Variants in HCRTR2 observed in about 807,000 individuals in gnomAD.
HCRTR2 encodes the protein hypocretin receptor 2, also known as orexin receptor type 2.
A neutral mutation model predicts 49.0 loss-of-function variants in HCRTR2; 22 were observed. That is an observed-to-expected ratio of 0.45 (90% CI 0.32 to 0.64). HCRTR2 has a LOEUF of 0.64. Among genes scored for constraint, HCRTR2 ranks in the 30% least tolerant of loss-of-function variants. HCRTR2 has a pLI of 0.04. For synonymous variants in HCRTR2, 236 were observed against 205.3 expected (o/e 1.15, Z -1.28); for missense variants, 491 against 559.4 (o/e 0.88, Z 1.23).
intron 1 of HCRTR2, among the ~76,000 whole-genome samples, chr6:55,139,469 A>G (rs1049460517): frequency 2.6e-5 from 4 of 152,214 alleles, no homozygotes; most frequent in Non-Finnish European, 4.4e-5. Context: ...TGGAAACTCC[A>G]AAAACCTAGT....
intron 1 of HCRTR2, among the ~76,000 whole-genome samples, chr6:55,138,218 T>C (rs1764458117): frequency 6.6e-6 from 1 of 152,234 alleles, no homozygotes; most frequent in South Asian, 2.1e-4. Flanking sequence ...AGTTAATTTT[T>C]TTTTGTCCTG....
chr6:55,234,815 A>C (rs1045223027), intron 1 of HCRTR2, among the ~76,000 whole-genome samples: 1 of 152,174 alleles, frequency 6.6e-6, no homozygotes, highest in Non-Finnish European at 1.5e-5. Flanking sequence ...GATCATATGC[A>C]TACTCTATGA....
intron 1 of HCRTR2, among the ~76,000 whole-genome samples, chr6:55,186,296 C>T (rs900164434): frequency 4.6e-5 from 7 of 152,080 alleles, no homozygotes; most frequent in Non-Finnish European, 7.4e-5. Flanking sequence ...GCATTGCAGG[C>T]TTTAAATTTC....
At chr6:55,237,770 C>T (rs188229477) in intron 1 of HCRTR2, among the ~76,000 whole-genome samples, 8 of 152,232 alleles carry the variant, frequency 5.3e-5, no homozygotes, top group Non-Finnish European at 8.8e-5. Context: ...AGCTTATCTG[C>T]CGTTACCAGA....
chr6:55,275,608 A>ATT (rs3065694), intron 4 of HCRTR2, among the ~76,000 whole-genome samples: 28,715 of 132,970 alleles, frequency 0.22, 3,218 homozygotes, highest in East Asian at 0.26. Context: ...TGAAAACTGT[A>ATT]TTTTTTTTTT....
chr6:55,244,599 G>T (rs1410097657), intron 1 of HCRTR2, among the ~76,000 whole-genome samples: 1 of 152,046 alleles, frequency 6.6e-6, no homozygotes, highest in Non-Finnish European at 1.5e-5. Flanking sequence ...TATAAATTTA[G>T]TGTGCTCTCA....
chr6:55,124,947 T>TC (rs1764252426), intron 1 of HCRTR2, among the ~76,000 whole-genome samples: 1 of 147,410 alleles, frequency 6.8e-6, no homozygotes, highest in Admixed American at 6.8e-5. Flanking sequence ...TTTTTTTTTT[T>TC]CACTTTCCAT....
chr6:55,191,366 T>C (rs1765312121), intron 1 of HCRTR2, among the ~76,000 whole-genome samples: 1 of 152,152 alleles, frequency 6.6e-6, no homozygotes, highest in Non-Finnish European at 1.5e-5. Context: ...TATGATTTTC[T>C]ATATAAAGTC....
At chr6:55,137,622 T>C (rs1347246143) in intron 1 of HCRTR2, among the ~76,000 whole-genome samples, 6 of 152,082 alleles carry the variant, frequency 3.9e-5, no homozygotes, top group Non-Finnish European at 8.8e-5. Flanking sequence ...CCAATTTATA[T>C]CTTGGAAATC....
chr6:55,248,521 T>A (rs1454116299), intron 1 of HCRTR2, 118 bp from the exon 2 acceptor site: 3 of 828,210 alleles, frequency 3.6e-6, no homozygotes, highest in Non-Finnish European at 6.2e-6. Context: ...CGGCACAGCC[T>A]TCAATTATTT....
chr6:55,283,347 G>A (rs1767232901), downstream of HCRTR2, among the ~76,000 whole-genome samples: 1 of 152,166 alleles, frequency 6.6e-6, no homozygotes. Context: ...CAATCTGGGG[G>A]ACAATTCTTG....
chr6:55,143,181 AT>A, intron 1 of HCRTR2, among the ~76,000 whole-genome samples: 1 of 149,518 alleles, frequency 6.7e-6, no homozygotes, highest in Admixed American at 6.6e-5. Context: ...ATATAATTAA[AT>A]AATGTCCTGG....
intron 1 of HCRTR2, among the ~76,000 whole-genome samples, chr6:55,153,253 C>A (rs2127258893): frequency 6.6e-6 from 1 of 152,072 alleles, no homozygotes; most frequent in Non-Finnish European, 1.5e-5. Context: ...GGAAGGGATA[C>A]ATTCTGAGAA....
intron 1 of HCRTR2, among the ~76,000 whole-genome samples, chr6:55,246,423 G>A (rs1219785455): frequency 6.6e-6 from 1 of 151,948 alleles, no homozygotes; most frequent in Non-Finnish European, 1.5e-5. Flanking sequence ...AAGGGCTCCA[G>A]CAGGTTTTAA....
At chr6:55,222,302 A>AT (rs1217029212) in intron 1 of HCRTR2, among the ~76,000 whole-genome samples, 2 of 131,972 alleles carry the variant, frequency 1.5e-5, no homozygotes, top group African/African-American at 3.2e-5. Context: ...AAGAAAGAGA[A>AT]TTAAAAAAAA....
At chr6:55,117,988 A>G (rs1764142184) in intron 1 of HCRTR2, among the ~76,000 whole-genome samples, 1 of 151,576 alleles carries the variant, frequency 6.6e-6, no homozygotes, top group South Asian at 2.1e-4. Flanking sequence ...TATACAGATT[A>G]TTTCATTACC....
intron 3 of HCRTR2, among the ~76,000 whole-genome samples, chr6:55,262,336 T>C (rs1299544551): frequency 7.0e-6 from 1 of 141,870 alleles, no homozygotes; most frequent in Non-Finnish European, 1.5e-5. Context: ...TTATATGTTA[T>C]ATATAATATT....
intron 3 of HCRTR2, among the ~76,000 whole-genome samples, chr6:55,257,116 G>A (rs1766667551): frequency 6.6e-6 from 1 of 152,020 alleles, no homozygotes; most frequent in South Asian, 2.1e-4. Context: ...AAAGCAGAAA[G>A]AGTGAATCAG....
intron 1 of HCRTR2, among the ~76,000 whole-genome samples, chr6:55,183,374 C>T (rs1335232022): frequency 1.3e-5 from 2 of 151,960 alleles, no homozygotes; most frequent in African/African-American, 2.4e-5. Flanking sequence ...ATCAAAGAGG[C>T]GTGAAATAGA....
Sources: allele counts gnomAD v4.1 joint callset (sites outside exome capture counted in the v4.1 genomes callset), GRCh38; gene constraint gnomAD v4.1.1; transcripts MANE v1.5; gene names NCBI Gene and HGNC (gene_info 2026-07-23, HGNC 2026-07-21).